Variants in ATP5MJ observed in about 807,000 individuals in gnomAD.
The protein encoded by ATP5MJ is ATP synthase membrane subunit j.
Under a neutral mutation model 8.3 loss-of-function variants are expected in ATP5MJ, and 4 were observed. The observed-to-expected ratio is 0.48, with a 90% CI of 0.24 to 1.11. The LOEUF is 1.11. ATP5MJ is among the 50% of genes least tolerant of loss of function. ATP5MJ has a pLI of 0.18. For missense variants in ATP5MJ, 66 were observed against 71.8 expected, an observed-to-expected ratio of 0.92 and a Z score of 0.29; for synonymous variants, 23 against 21.3, an observed-to-expected ratio of 1.08 and a Z score of -0.23.
At chr14:103,921,381 C>T in intron 1 of ATP5MJ, 89 bp downstream of exon 1, 1 of 266,830 alleles carries the variant, frequency 3.7e-6, no homozygotes, top group Non-Finnish European at 7.5e-6. Context: ...GGGTGGAACC[C>T]CAAGATCAGC....
intron 1 of ATP5MJ, among the ~76,000 whole-genome samples, chr14:103,920,497 G>T (rs753441799): frequency 1.6e-5 from 2 of 126,568 alleles, no homozygotes; most frequent in African/African-American, 3.1e-5. Flanking sequence ...TTTTAAGACG[G>T]AGTTTCACTC....
At chr14:103,917,104 G>T (rs1355039025) in intron 1 of ATP5MJ, among the ~76,000 whole-genome samples, 1 of 152,124 alleles carries the variant, frequency 6.6e-6, no homozygotes, top group African/African-American at 2.4e-5. Context: ...AGGAATCCTC[G>T]GCATTGGCAG....
intron 1 of ATP5MJ, among the ~76,000 whole-genome samples, chr14:103,917,157 G>A (rs1203674135): frequency 6.6e-6 from 1 of 152,188 alleles, no homozygotes; most frequent in Non-Finnish European, 1.5e-5. Flanking sequence ...GGAAGGAATA[G>A]GGAGGCCACA....
At position 103,921,515 on chromosome 14, in the gene ATP5MJ, C is replaced by T. The variant is rs987668494; in HGVS notation, c.-46G>A. 6.5e-6 allele frequency: 1 copy of T among 153,512 alleles called. No individual in the cohort carries two copies. The highest frequency in any genetic ancestry group is 1.5e-5 in the Non-Finnish European group (1 of 68,808). 9.5% of individuals were successfully genotyped at this position (153,512 alleles called of 1,614,324 possible). A position where few individuals can be genotyped will look rare whatever the true frequency, so the allele number is the denominator to read the frequency against. ...TCAGAACGCACCACAAATCTGCAGC[C>T]AACTCGGAAAGGTCACCGAGCGCGC... On this transcript the variant is annotated 5_prime_UTR_variant, in exon 1 of 4. Coordinates refer to ENST00000286953, the MANE Select transcript of ATP5MJ (RefSeq NM_004894.3).
chr14:103,919,550 C>T (rs1192194449), intron 1 of ATP5MJ, among the ~76,000 whole-genome samples: 1 of 152,026 alleles, frequency 6.6e-6, no homozygotes, highest in Non-Finnish European at 1.5e-5. Flanking sequence ...TTGGACAGAA[C>T]AAGGTAAGAT....
intron 1 of ATP5MJ, 94 bp from the exon 2 acceptor site, chr14:103,915,283 C>T: frequency 7.0e-7 from 1 of 1,437,502 alleles, no homozygotes; most frequent in Admixed American, 1.9e-5. Context: ...ACCCCATTTC[C>T]CATGACTGCT....
At chr14:103,921,233 G>T (rs1349394673) in intron 1 of ATP5MJ, 1 of 568,722 alleles carries the variant, frequency 1.8e-6, no homozygotes, top group Non-Finnish European at 3.1e-6. Context: ...GGAGAATTCA[G>T]GTGCACTGAG....
chr14:103,912,748 G>C, intron 3 of ATP5MJ, 54 bp from the exon 4 acceptor site: 1 of 1,551,258 alleles, frequency 6.4e-7, no homozygotes, highest in South Asian at 1.1e-5. Flanking sequence ...GAACAAGTTG[G>C]ATGTAATTTA....
At chr14:103,919,298 T>G (rs111318008) in intron 1 of ATP5MJ, among the ~76,000 whole-genome samples, 8 of 133,656 alleles carry the variant, frequency 6.0e-5, no homozygotes, top group East Asian at 2.3e-4. Flanking sequence ...GGAGAATCGC[T>G]TGAACCCGGG....
At chr14:103,914,235 G>A (rs2087604765) in intron 2 of ATP5MJ, 2 of 562,534 alleles carry the variant, frequency 3.6e-6, no homozygotes, top group Non-Finnish European at 6.2e-6. Context: ...GCAGCATAAA[G>A]TTTTCTCTTT....
intron 1 of ATP5MJ, chr14:103,920,997 C>T (rs1472545628): frequency 3.2e-6 from 5 of 1,551,674 alleles, no homozygotes; most frequent in Non-Finnish European, 4.4e-6. Flanking sequence ...TCATTCAGCA[C>T]CGTATGATCT....
At chr14:103,921,134 T>C (rs78556879) in intron 1 of ATP5MJ, 31,547 of 1,144,586 alleles carry the variant, frequency 0.028, 509 homozygotes, top group Non-Finnish European at 0.034. Context: ...AGTTCTTGGC[T>C]TGGACTCTGG....
At chr14:103,916,201 A>G (rs2087624361) in intron 1 of ATP5MJ, among the ~76,000 whole-genome samples, 1 of 152,250 alleles carries the variant, frequency 6.6e-6, no homozygotes, top group Non-Finnish European at 1.5e-5. Flanking sequence ...TAGTTACTTA[A>G]TGAATTACTG....
chr14:103,918,630 G>C (rs1196840539), intron 1 of ATP5MJ, among the ~76,000 whole-genome samples: 2 of 152,056 alleles, frequency 1.3e-5, no homozygotes, highest in African/African-American at 4.8e-5. Flanking sequence ...AAAGTGCAGG[G>C]ATTACAGGCG....
At chr14:103,914,092 C>T in intron 2 of ATP5MJ, 108 bp from the exon 3 acceptor site, 3 of 1,024,236 alleles carry the variant, frequency 2.9e-6, no homozygotes, top group Non-Finnish European at 2.8e-6. Flanking sequence ...TAAAGCAATT[C>T]AGGAAGCTTT....
intron 1 of ATP5MJ, chr14:103,921,069 G>A: frequency 1.3e-6 from 2 of 1,542,492 alleles, no homozygotes; most frequent in Non-Finnish European, 1.8e-6. Flanking sequence ...GGAGGGCAGT[G>A]TGGCGCAAGG....
At chr14:103,916,384 CTA>C (rs2087626048) in intron 1 of ATP5MJ, among the ~76,000 whole-genome samples, 1 of 152,194 alleles carries the variant, frequency 6.6e-6, no homozygotes, top group African/African-American at 2.4e-5. Context: ...GTCCATTAAA[CTA>C]CAGTCAAATA....
chr14:103,916,863 T>C (rs971328456), intron 1 of ATP5MJ, among the ~76,000 whole-genome samples: 5 of 152,102 alleles, frequency 3.3e-5, no homozygotes, highest in African/African-American at 7.2e-5. Context: ...AGAATCCGAA[T>C]GCTCGGCAGT....
At chr14:103,914,502 C>T (rs751490445) in intron 2 of ATP5MJ, 1 of 671,368 alleles carries the variant, frequency 1.5e-6, no homozygotes, top group Non-Finnish European at 2.7e-6. Context: ...AAGTCTTGTT[C>T]AAAGTTCCCC....
Sources: gnomAD v4.1 joint callset for allele counts (sites outside exome capture counted in the v4.1 genomes callset) on GRCh38, gnomAD v4.1.1 for gene constraint, MANE v1.5 for transcripts, NCBI Gene and HGNC (gene_info 2026-07-23, HGNC 2026-07-21) for gene names.